Variants in PTN observed in about 807,000 individuals in gnomAD.
The protein encoded by PTN is pleiotrophin.
Under a neutral mutation model 24.1 loss-of-function variants are expected in PTN, and 18 were observed. That is an observed-to-expected ratio of 0.75 (90% CI 0.52 to 1.11). The LOEUF (loss-of-function observed/expected upper bound fraction) is 1.11. Ranked by LOEUF, PTN falls within the 50% of genes least tolerant of loss-of-function variation. PTN has a pLI of 0.00. For synonymous variants in PTN, 78 were observed against 68.6 expected (o/e 1.14, Z -0.67); for missense variants, 163 against 198.8 (o/e 0.82, Z 1.08).
chr7:137,244,538 AC>A (rs1270932764), intron 4 of PTN, among the ~76,000 whole-genome samples: 1 of 107,356 alleles, frequency 9.3e-6, no homozygotes, highest in Admixed American at 1.0e-4. Flanking sequence ...CCCTCCTCCC[AC>A]CCCACAACAA....
Position 137,251,328 on chromosome 7 carries a change from C to G in PTN, c.353G>C (p.Arg118Thr). 1.9e-6 allele frequency: 3 copies of G among 1,614,116 alleles called. No homozygotes were observed. The highest frequency in any genetic ancestry group is 2.5e-6 in the Non-Finnish European group (3 of 1,180,004). The stretch of plus-strand genomic sequence containing the variant: ...CAGGGCTCGCTTCAGACTTCCAGTT[C>G]TGGTCTTCAGGGCTGTGTTCAGGTC... ...ECDLNTALKT[R>T]TGSLKRALHN... is the part of the protein sequence containing the mutation. Residue 118 changes from arginine to threonine, a missense_variant, in exon 4 of 5, where the codon AGA (arginine) becomes ACA (threonine). Coordinates refer to ENST00000348225, the MANE Select transcript of PTN (RefSeq NM_002825.7).
At chr7:137,254,236 A>G (rs1808877688) in intron 2 of PTN, among the ~76,000 whole-genome samples, 1 of 151,796 alleles carries the variant, frequency 6.6e-6, no homozygotes, top group Non-Finnish European at 1.5e-5. Context: ...GACAGAGGAT[A>G]CAGTGAGTTG....
intron 1 of PTN, among the ~76,000 whole-genome samples, chr7:137,305,279 T>C (rs989543978): frequency 6.6e-6 from 1 of 152,098 alleles, no homozygotes; most frequent in Non-Finnish European, 1.5e-5. Context: ...ATTAATCATA[T>C]CTGAAAACCT....
intron 3 of PTN, among the ~76,000 whole-genome samples, chr7:137,252,186 C>G (rs946052263): frequency 6.6e-6 from 1 of 151,942 alleles, no homozygotes; most frequent in Admixed American, 6.5e-5. Context: ...GGCACCCTCA[C>G]TAGCATTTCG....
chr7:137,302,081 T>C (rs533552459), intron 1 of PTN, among the ~76,000 whole-genome samples: 2 of 152,098 alleles, frequency 1.3e-5, no homozygotes, highest in East Asian at 1.9e-4. Flanking sequence ...AAGAAATCAG[T>C]TAAGAAAGAA....
At chr7:137,229,968 T>A (rs1014442723) in intron 4 of PTN, among the ~76,000 whole-genome samples, 1 of 151,822 alleles carries the variant, frequency 6.6e-6, no homozygotes, top group Non-Finnish European at 1.5e-5. Flanking sequence ...AACTGAGACC[T>A]AACTCTGGTT....
At chr7:137,246,029 G>C (rs2128870003) in intron 4 of PTN, among the ~76,000 whole-genome samples, 1 of 152,190 alleles carries the variant, frequency 6.6e-6, no homozygotes, top group South Asian at 2.1e-4. Context: ...ATTTAGTGTA[G>C]CTTAAGTGTA....
intron 1 of PTN, among the ~76,000 whole-genome samples, chr7:137,341,068 A>G (rs1810525989): frequency 6.6e-6 from 1 of 152,248 alleles, no homozygotes; most frequent in African/African-American, 2.4e-5. Context: ...AATAGTAATT[A>G]AAAACACCAC....
intron 3 of PTN, among the ~76,000 whole-genome samples, chr7:137,253,105 T>G (rs1808856597): frequency 6.6e-6 from 1 of 152,180 alleles, no homozygotes; most frequent in African/African-American, 2.4e-5. Context: ...GAATCAAGGA[T>G]ATATTTTATG....
intron 4 of PTN, among the ~76,000 whole-genome samples, chr7:137,237,408 A>C (rs1024333619): frequency 4.6e-5 from 7 of 152,190 alleles, no homozygotes; most frequent in Non-Finnish European, 1.0e-4. Flanking sequence ...TTGTCACGAC[A>C]GCCCTAGCAG....
At chr7:137,340,627 C>A (rs1288099610) in intron 1 of PTN, among the ~76,000 whole-genome samples, 5 of 152,196 alleles carry the variant, frequency 3.3e-5, no homozygotes, top group African/African-American at 7.2e-5. Flanking sequence ...AGTGACATGA[C>A]CTTGTGCCAG....
At chr7:137,310,641 T>A (rs1809966531) in intron 1 of PTN, among the ~76,000 whole-genome samples, 1 of 152,078 alleles carries the variant, frequency 6.6e-6, no homozygotes, top group African/African-American at 2.4e-5. Flanking sequence ...CCTGACCTCA[T>A]GATCCGCCTG....
Position 137,232,714 on chromosome 7 carries a change from C to A in PTN, c.452-4639G>T, listed in dbSNP as rs1200937705. 2.0e-5 allele frequency among the ~76,000 whole-genome samples: 3 copies of A among 151,952 alleles called. No individual in the cohort carries two copies. The South Asian group carries it at 6.2e-4, about 31-fold the overall frequency. ...TATGGTTTGACTCTGTGTCCCCACCCAAATCTCACCTTGAATTGTAATCCC... is the reference window on the plus strand; with the variant it reads ...TATGGTTTGACTCTGTGTCCCCACCAAAATCTCACCTTGAATTGTAATCCC... On this transcript the variant is annotated intron_variant, in intron 4 of 4. Transcript: ENST00000348225.
intron 1 of PTN, among the ~76,000 whole-genome samples, chr7:137,328,557 A>G (rs1430023233): frequency 6.6e-6 from 1 of 152,164 alleles, no homozygotes; most frequent in African/African-American, 2.4e-5. Flanking sequence ...AATCAAAGCC[A>G]GAGACTCTCA....
chr7:137,276,124 G>T (rs1809355355), intron 1 of PTN, among the ~76,000 whole-genome samples: 1 of 152,162 alleles, frequency 6.6e-6, no homozygotes, highest in Admixed American at 6.5e-5. Context: ...TCAGCATCAA[G>T]CCCCAACTCA....
chr7:137,305,702 A>G (rs1809876556), intron 1 of PTN, among the ~76,000 whole-genome samples: 1 of 152,092 alleles, frequency 6.6e-6, no homozygotes, highest in Non-Finnish European at 1.5e-5. Context: ...ATGATGTATT[A>G]CCATTGGAAA....
intron 1 of PTN, among the ~76,000 whole-genome samples, chr7:137,287,382 G>T (rs1198100307): frequency 1.3e-5 from 2 of 152,094 alleles, no homozygotes; most frequent in African/African-American, 4.8e-5. Flanking sequence ...GTCGGCTATT[G>T]TTGGTATGAC....
intron 4 of PTN, among the ~76,000 whole-genome samples, chr7:137,237,537 T>A (rs900882039): frequency 1.1e-4 from 17 of 152,224 alleles, no homozygotes; most frequent in African/African-American, 4.1e-4. Context: ...TTTTTAAATT[T>A]GTCCTCCAGA....
intron 1 of PTN, among the ~76,000 whole-genome samples, chr7:137,269,349 C>T (rs1585022253): frequency 6.6e-6 from 1 of 152,098 alleles, no homozygotes. Flanking sequence ...GAAGGGAGTC[C>T]TGGAGGGTCA....
Sources: gnomAD v4.1 joint callset for allele counts (sites outside exome capture counted in the v4.1 genomes callset) on GRCh38, gnomAD v4.1.1 for gene constraint, MANE v1.5 for transcripts, NCBI Gene and HGNC (gene_info 2026-07-23, HGNC 2026-07-21) for gene names.